The following NTRK2 variants were observed in gnomAD, a reference collection of about 807,000 sequenced individuals.
The protein encoded by NTRK2 is BDNF/NT-3 growth factors receptor.
NTRK2 carries 13 observed loss-of-function variants against 94.5 expected under a neutral mutation model. That is an observed-to-expected ratio of 0.14 (90% CI 0.09 to 0.22). The LOEUF is 0.22. Among genes scored for constraint, NTRK2 ranks in the 10% least tolerant of loss-of-function variants. NTRK2 has a pLI of 1.00. For synonymous variants in NTRK2, 372 were observed against 407.4 expected (o/e 0.91, Z 1.05); for missense variants, 639 against 1,071.2 (o/e 0.60, Z 5.63).
Position 84,702,355 on chromosome 9 carries a change from G to A in NTRK2, c.295G>A (p.Val99Met). ...AYVGLRNLTIVDSGLKFVAHK... is the reference protein window; with the variant it reads ...AYVGLRNLTIMDSGLKFVAHK... Reference sequence around the variant, plus strand: ...AATTATGTGTTTTCACAGGACAATTGTGGATTCTGGATTAAAATTTGTGGC... The same window carrying A: ...AATTATGTGTTTTCACAGGACAATTATGGATTCTGGATTAAAATTTGTGGC... Residue 99 changes from valine to methionine, a missense_variant, in exon 4 of 19, where the codon GTG becomes ATG. Physicochemically the swap from Val to Met is conservative, Grantham distance 21 (BLOSUM62 1). Transcript: ENST00000277120. The A allele has an allele frequency of 2.5e-6, 4 of 1,614,188 alleles. No individual in the cohort carries two copies. The highest frequency in any genetic ancestry group is 3.4e-6 in the Non-Finnish European group (4 of 1,180,020).
intron 2 of NTRK2, among the ~76,000 whole-genome samples, chr9:84,700,231 T>C (rs754621697): frequency 6.6e-6 from 1 of 152,228 alleles, no homozygotes; most frequent in Non-Finnish European, 1.5e-5. Flanking sequence ...AGAATGCAGT[T>C]CTTACTGTGA....
chr9:84,848,780 T>C (rs770457408), intron 12 of NTRK2, among the ~76,000 whole-genome samples: 5 of 152,164 alleles, frequency 3.3e-5, no homozygotes, highest in African/African-American at 1.2e-4. Flanking sequence ...ATAATAAAGA[T>C]TTGCATAATT....
At chr9:84,887,086 C>T (rs1217503583) in intron 14 of NTRK2, among the ~76,000 whole-genome samples, 2 of 152,232 alleles carry the variant, frequency 1.3e-5, no homozygotes, top group East Asian at 1.9e-4. Flanking sequence ...GCTTGGACTC[C>T]GTTCCCAAGA....
At chr9:84,801,926 T>C (rs2070507554) in intron 12 of NTRK2, among the ~76,000 whole-genome samples, 1 of 152,236 alleles carries the variant, frequency 6.6e-6, no homozygotes, top group Non-Finnish European at 1.5e-5. Context: ...TTTTAAATTT[T>C]TTACTGCTTT....
rs964833686 is a variant in NTRK2, at chr9:84,851,320, T to C, written c.1397-9720T>C. On this transcript the variant is annotated intron_variant, in intron 12 of 18. Transcript: ENST00000277120. ...TCAAGGAAAGAAATGCAGTCTCATC[T>C]GATGGGTTTAGTTTCCTTCCACTGA... 8.5e-5 allele frequency among the ~76,000 whole-genome samples: 13 copies of C among 152,366 alleles called. No homozygotes were observed. The South Asian group carries it at 2.5e-3, about 29-fold the overall frequency.
At chr9:84,689,861 T>C (rs1031146072) in intron 2 of NTRK2, among the ~76,000 whole-genome samples, 1 of 152,238 alleles carries the variant, frequency 6.6e-6, no homozygotes, top group Non-Finnish European at 1.5e-5. Flanking sequence ...TCTAGGTACC[T>C]CAAAAATGTA....
At chr9:84,872,392 C>T (rs202022251) in intron 14 of NTRK2, 14 of 1,088,286 alleles carry the variant, frequency 1.3e-5, no homozygotes, top group African/African-American at 3.2e-5. Flanking sequence ...TATCTTCTCC[C>T]GTCGGAGCAA....
intron 14 of NTRK2, chr9:84,872,923 T>A (rs2075918408): frequency 9.4e-7 from 1 of 1,065,210 alleles, no homozygotes; most frequent in Admixed American, 5.3e-5. Flanking sequence ...CGTCCTTGTC[T>A]TACCAATAAG....
intron 12 of NTRK2, among the ~76,000 whole-genome samples, chr9:84,797,094 G>A (rs1477819755): frequency 6.6e-6 from 1 of 151,974 alleles, no homozygotes; most frequent in Non-Finnish European, 1.5e-5. Context: ...TAAGTATATT[G>A]AAACAGTACG....
chr9:84,981,704 G>A (rs1827649154), intron 17 of NTRK2, among the ~76,000 whole-genome samples: 1 of 152,134 alleles, frequency 6.6e-6, no homozygotes, highest in East Asian at 1.9e-4. Flanking sequence ...TTAAAAAATA[G>A]CATTTTACTT....
chr9:84,767,526 C>A (rs1329700687), intron 12 of NTRK2, among the ~76,000 whole-genome samples: 1 of 152,184 alleles, frequency 6.6e-6, no homozygotes, highest in Non-Finnish European at 1.5e-5. Context: ...TCTTGAATCA[C>A]CATTGGTGAT....
intron 14 of NTRK2, chr9:84,877,928 T>A: frequency 9.8e-7 from 1 of 1,015,604 alleles, no homozygotes; most frequent in Non-Finnish European, 1.2e-6. Flanking sequence ...TTTCGTCACC[T>A]GCTAATACTT....
chr9:84,898,761 G>T (rs2076837880), intron 14 of NTRK2, among the ~76,000 whole-genome samples: 1 of 151,658 alleles, frequency 6.6e-6, no homozygotes, highest in African/African-American at 2.4e-5. Flanking sequence ...GGAGTGCAAT[G>T]GTGCAATCTT....
At chr9:84,815,487 A>G (rs200054438) in intron 12 of NTRK2, 2 of 1,040,542 alleles carry the variant, frequency 1.9e-6, no homozygotes, top group African/African-American at 3.4e-5. Context: ...GCTGTAATCC[A>G]GAGGCAGCCT....
rs566128140 is a variant in NTRK2, at chr9:85,004,341, C to G, written c.2173-15865C>G. Reference sequence around the variant, plus strand: ...ACTTGTTCATTCTGTATAAGCCTTGCCATTCTTGGGAGTATTCTTGTCTTC... The same window carrying G: ...ACTTGTTCATTCTGTATAAGCCTTGGCATTCTTGGGAGTATTCTTGTCTTC... On this transcript the variant is annotated intron_variant, in intron 17 of 18. Coordinates refer to ENST00000277120, the MANE Select transcript of NTRK2 (RefSeq NM_006180.6). 3.9e-5 allele frequency among the ~76,000 whole-genome samples: 6 copies of G among 152,184 alleles called. No individual in the cohort carries two copies. In the South Asian group the frequency reaches 6.2e-4, roughly 16 times the overall value.
intron 12 of NTRK2, among the ~76,000 whole-genome samples, chr9:84,787,220 C>T (rs970080930): frequency 1.3e-5 from 2 of 152,096 alleles, no homozygotes; most frequent in African/African-American, 4.8e-5. Context: ...ATCGCTTGAA[C>T]TTGGGAGGTG....
intron 9 of NTRK2, among the ~76,000 whole-genome samples, chr9:84,728,753 C>T (rs980847276): frequency 6.6e-6 from 1 of 152,124 alleles, no homozygotes; most frequent in Non-Finnish European, 1.5e-5. Flanking sequence ...GCTAGGACTG[C>T]GGAAAGGATG....
intron 2 of NTRK2, among the ~76,000 whole-genome samples, chr9:84,682,917 T>A (rs935584264): frequency 6.6e-6 from 1 of 152,172 alleles, no homozygotes; most frequent in Non-Finnish European, 1.5e-5. Flanking sequence ...TTAACCAACT[T>A]CTTACTGGAC....
At chr9:84,884,949 A>G (rs540968364) in intron 14 of NTRK2, among the ~76,000 whole-genome samples, 1 of 152,234 alleles carries the variant, frequency 6.6e-6, no homozygotes, top group African/African-American at 2.4e-5. Context: ...AATATTAAAC[A>G]TAAAAGAAAA....
Sources: allele counts gnomAD v4.1 joint callset (sites outside exome capture counted in the v4.1 genomes callset), GRCh38; gene constraint gnomAD v4.1.1; transcripts MANE v1.5; gene names NCBI Gene and HGNC (gene_info 2026-07-23, HGNC 2026-07-21).